SLC4A7: variants seen among roughly 807,000 people sequenced by gnomAD.
The protein encoded by SLC4A7 is sodium bicarbonate cotransporter 3.
In SLC4A7, 51 loss-of-function variants were observed where a neutral mutation model predicts 137.6. The ratio of observed to expected loss-of-function variants is 0.37; its 90% CI spans 0.30 to 0.47. The LOEUF is 0.47. Among genes scored for constraint, SLC4A7 ranks in the 20% least tolerant of loss-of-function variants. The pLI, the probability that SLC4A7 is intolerant of heterozygous loss-of-function variation, is 1.00. For synonymous variants in SLC4A7, 542 were observed against 518.6 expected (o/e 1.05, Z -0.61); for missense variants, 1,247 against 1,525.4 (o/e 0.82, Z 3.04).
chr3:27,404,846 A>G lies in SLC4A7; in HGVS notation c.2059T>C (p.Leu687=). Residue 687 remains leucine, a synonymous_variant, in exon 14 of 26, where the codon TTA becomes CTA. Transcript: ENST00000454389. ...TGPVLVFEKI[L]YKFCRDYQLS... ...ATTACTTACCTGCAGAATTTATATAAAATTTTTTCAAACACTAGAACTGGA... is the reference window on the plus strand; with the variant it reads ...ATTACTTACCTGCAGAATTTATATAGAATTTTTTCAAACACTAGAACTGGA... 1 of 1,604,046 alleles carries G rather than the reference A, an allele frequency of 6.2e-7. No homozygotes were observed.
In SLC4A7 at chr3:27,397,715, G is replaced by A; in HGVS notation, c.2672C>T (p.Ser891Phe). The change falls in exon 18 of 26, where the codon TCT becomes TTT. Residue 891 changes from serine (S) to phenylalanine (F), a missense_variant. Ser to Phe is a radical substitution (Grantham distance 155, BLOSUM62 -2). Transcript: ENST00000454389. ...TTTTTCAGGAACATGAAGTTTAGGA[G>A]ATGGAACTCCTACAAGGTAGTCAAT... ...VTIDYLVGVPSPKLHVPEKFE... is the reference protein window; with the variant it reads ...VTIDYLVGVPFPKLHVPEKFE... 1 of 1,603,930 alleles carries A rather than the reference G, an allele frequency of 6.2e-7. No individual in the cohort carries two copies. The highest frequency in any genetic ancestry group is 8.5e-7 in the Non-Finnish European group (1 of 1,173,128).
At chr3:27,471,238 C>G (rs916337435) in intron 1 of SLC4A7, among the ~76,000 whole-genome samples, 3 of 152,146 alleles carry the variant, frequency 2.0e-5, no homozygotes, top group Admixed American at 2.0e-4. Flanking sequence ...TAAATCACAA[C>G]CTGCAGTTTG....
intron 1 of SLC4A7, among the ~76,000 whole-genome samples, chr3:27,463,138 A>G (rs1259798282): frequency 6.6e-6 from 1 of 152,176 alleles, no homozygotes; most frequent in African/African-American, 2.4e-5. Flanking sequence ...TCAAAATACA[A>G]AAGTTAGGGC....
Position 27,395,105 on chromosome 3 carries a change from G to A in SLC4A7, c.2714C>T (p.Pro905Leu), listed in dbSNP as rs773668521. Residue 905 changes from proline (P) to leucine (L), a missense_variant, in exon 19 of 26, where the codon CCA becomes CTA. Physicochemically the swap from Pro to Leu is moderately conservative, Grantham distance 98. Transcript: ENST00000454389. ...HVPEKFEPTH[P>L]ERGWIISPLG... The stretch of plus-strand genomic sequence containing the variant: ...TGGGCTTATGATCCACCCTCTCTCT[G>A]GATGAGTAGGCTGTTAAAAAATTAA... 4.4e-6 allele frequency: 7 copies of A among 1,577,300 alleles called. No individual in the cohort carries two copies. Among genetic ancestry groups the A allele is most frequent in the Middle Eastern group, 1.7e-4 (1 of 5,864 alleles).
chr3:27,420,422 A>T (rs530342557), intron 10 of SLC4A7, among the ~76,000 whole-genome samples: 33 of 152,046 alleles, frequency 2.2e-4, no homozygotes, highest in Middle Eastern at 3.4e-3. Context: ...AATCTAGGAT[A>T]AAAAAAATCC....
chr3:27,422,989 A>T, intron 8 of SLC4A7: 1 of 307,254 alleles, frequency 3.3e-6, no homozygotes, highest in Non-Finnish European at 6.6e-6. Flanking sequence ...TTTAACAAGA[A>T]ATAAATTGCA....
chr3:27,388,788 T>C (rs2051234175), intron 22 of SLC4A7, among the ~76,000 whole-genome samples: 1 of 152,164 alleles, frequency 6.6e-6, no homozygotes, highest in Admixed American at 6.5e-5. Flanking sequence ...TCCATTCTTC[T>C]AATAGTCCTA....
Position 27,390,071 on chromosome 3 carries a change from C to G in SLC4A7, c.3220G>C (p.Ala1074Pro). Residue 1074 changes from alanine to proline, a missense_variant, in exon 22 of 26, where the codon GCT becomes CCT. Around this residue, in one of 6 missense-constraint regions of SLC4A7, gnomAD observed 290 missense variants for 323.8 expected, o/e 0.90. Coordinates refer to ENST00000454389, the MANE Select transcript of SLC4A7 (RefSeq NM_001321103.2). ...FDRIKLFGMP[A>P]KHQPDLIYLR... ...TATATCAAATCAGGCTGATGCTTAG[C>G]AGGCATTCCAAATAATTTTATACGG... 1 of 1,608,016 alleles carries G rather than the reference C, an allele frequency of 6.2e-7. No homozygotes were observed. The highest frequency in any genetic ancestry group is 8.5e-7 in the Non-Finnish European group (1 of 1,175,828).
chr3:27,437,468 A>G lies in SLC4A7; in HGVS notation c.348T>C (p.His116=). 6.3e-7 allele frequency: 1 copy of G among 1,596,810 alleles called. No individual in the cohort carries two copies. The highest frequency in any genetic ancestry group is 8.6e-7 in the Non-Finnish European group (1 of 1,168,486). The change falls in exon 4 of 26, where the codon CAT becomes CAC. Residue 116 remains histidine (H), a synonymous_variant. Transcript: ENST00000454389. ...TTTCCGTGAAGAGATCATGGGGAAT[A>G]TGTTCTTCATCATCATCTTCAGTAC... is the stretch of plus-strand genomic sequence containing the variant. ...ILGTEDDDEE[H]IPHDLFTEMD... is the part of the protein sequence containing the mutation.
At chr3:27,476,591 G>C (rs758633194) in intron 1 of SLC4A7, among the ~76,000 whole-genome samples, 6 of 152,254 alleles carry the variant, frequency 3.9e-5, no homozygotes, top group Non-Finnish European at 7.4e-5. Context: ...GGGCCTGGTG[G>C]GAGGTGACTG....
chr3:27,438,100 G>A (rs1304394191), intron 3 of SLC4A7, among the ~76,000 whole-genome samples: 2 of 151,894 alleles, frequency 1.3e-5, no homozygotes, highest in Non-Finnish European at 2.9e-5. Flanking sequence ...GGGAGGCTGA[G>A]GCAGGAGAAT....
chr3:27,479,595 A>G (rs919803373), intron 1 of SLC4A7, among the ~76,000 whole-genome samples: 7 of 152,294 alleles, frequency 4.6e-5, no homozygotes, highest in East Asian at 1.9e-4. Context: ...CCATAACACT[A>G]TATCAACCAA....
At chr3:27,451,218 G>A (rs1402712038) in intron 2 of SLC4A7, among the ~76,000 whole-genome samples, 1 of 151,616 alleles carries the variant, frequency 6.6e-6, no homozygotes, top group Non-Finnish European at 1.5e-5. Context: ...ATCAAACTTT[G>A]TTTCTCTGTC....
At chr3:27,398,414 A>T in intron 16 of SLC4A7, 61 bp from the exon 17 acceptor site, 2 of 1,409,878 alleles carry the variant, frequency 1.4e-6, no homozygotes, top group Non-Finnish European at 1.9e-6. Flanking sequence ...ATAAATTATT[A>T]TGAGCTTCAT....
At chr3:27,414,327 G>A (rs2054182577) in intron 11 of SLC4A7, among the ~76,000 whole-genome samples, 1 of 152,002 alleles carries the variant, frequency 6.6e-6, no homozygotes, top group South Asian at 2.1e-4. Flanking sequence ...AAACAAGGGA[G>A]TTGGTACCAA....
chr3:27,391,730 T>C lies in SLC4A7; in HGVS notation c.3186+10A>G. The C allele has an allele frequency of 6.7e-7, 1 of 1,492,128 alleles. No individual in the cohort carries two copies. Among genetic ancestry groups the C allele is most frequent in the South Asian group, 1.2e-5 (1 of 84,266 alleles). 92.4% of individuals were successfully genotyped at this position (1,492,128 alleles called of 1,614,324 possible). A position where few individuals can be genotyped will look rare whatever the true frequency, so the allele number is the denominator to read the frequency against. ...TTTCTATAGAAAATCATTAAATACT[T>C]AAAACTTGCCTGGATTCCTTTTAAT... On this transcript the variant is annotated intron_variant, in intron 21 of 25. Coordinates refer to ENST00000454389, the MANE Select transcript of SLC4A7 (RefSeq NM_001321103.2).
intron 16 of SLC4A7, 147 bp from the exon 17 acceptor site, chr3:27,398,500 C>A: frequency 1.7e-6 from 1 of 595,590 alleles, no homozygotes. Flanking sequence ...ATTGTCCAGC[C>A]AACTATAACA....
In SLC4A7 at chr3:27,431,422, T is replaced by C; in HGVS notation, c.1026A>G (p.Glu342=). 1 of 1,614,058 alleles carries C rather than the reference T, an allele frequency of 6.2e-7. No homozygotes were observed. Among genetic ancestry groups the C allele is most frequent in the Non-Finnish European group, 8.5e-7 (1 of 1,179,956 alleles). The change falls in exon 7 of 26, where the codon GAA becomes GAG. Residue 342 remains glutamate (E), a synonymous_variant. Transcript: ENST00000454389. ...CATCACTGGCAGGTGAAACCAGTAG[T>C]TCTGGGGCCTGACGCTGACTCTCTT... is the stretch of plus-strand genomic sequence containing the variant. ...SSQESQRQAP[E]LLVSPASDDI...
chr3:27,397,597 A>T, intron 18 of SLC4A7, 87 bp downstream of exon 18: 1 of 703,678 alleles, frequency 1.4e-6, no homozygotes. Context: ...CATACTTTTA[A>T]AACAATAACT....
Sources: allele counts gnomAD v4.1 joint callset (sites outside exome capture counted in the v4.1 genomes callset), GRCh38; gene constraint gnomAD v4.1.1; regional missense constraint gnomAD v4.1.1; transcripts MANE v1.5; gene names NCBI Gene and HGNC (gene_info 2026-07-23, HGNC 2026-07-21).